Variants in MADCAM1 observed in about 807,000 individuals in gnomAD.
The protein encoded by MADCAM1 is mucosal vascular addressin cell adhesion molecule 1, also known as mucosal addressin cell adhesion molecule 1.
A neutral mutation model predicts 26.1 loss-of-function variants in MADCAM1; 19 were observed. That is an observed-to-expected ratio of 0.73 (90% confidence interval 0.51 to 1.07). The LOEUF (loss-of-function observed/expected upper bound fraction) is 1.07, where lower values mean the gene tolerates loss of function less well. Ranked by LOEUF, MADCAM1 falls within the 50% of genes least tolerant of loss-of-function variation. The pLI, the probability that MADCAM1 is intolerant of heterozygous loss-of-function variation, is 0.00. For missense variants in MADCAM1, 514 were observed against 542.1 expected, an observed-to-expected ratio of 0.95 and a Z score of 0.51; for synonymous variants, 268 against 260.9, an observed-to-expected ratio of 1.03 and a Z score of -0.26.
At position 501,914 on chromosome 19, in the gene MADCAM1, G is replaced by A. The variant is rs765885536; in HGVS notation, c.913G>A (p.Val305Met). 4.6e-6 allele frequency: 7 copies of A among 1,520,238 alleles called. No individual in the cohort carries two copies. Among genetic ancestry groups the A allele is most frequent in the South Asian group, 3.7e-5 (3 of 80,036 alleles). The allele number at this position is 1,520,238 out of a possible 1,614,324, so 94.2% of individuals were successfully genotyped here. A position where few individuals can be genotyped will look rare whatever the true frequency, so the allele number is the denominator to read the frequency against. The change falls in exon 4 of 5, where the codon GTG becomes ATG. Residue 305 changes from valine (V) to methionine (M), a missense_variant. By Grantham distance (21) the Val-to-Met change is conservative. This residue lies in a region of MADCAM1 where 152 missense variants were observed against 136.7 expected (regional missense o/e 1.11). Coordinates refer to ENST00000215637, the MANE Select transcript of MADCAM1 (RefSeq NM_130760.3). Reference protein sequence around the residue: ...ISQAGPTQGEVIPTGSSKPAG... With the variant: ...ISQAGPTQGEMIPTGSSKPAG... Reference sequence around the variant, plus strand: ...CCAGGCTGGGCCCACGCAGGGAGAAGTGATCCCAACAGGCTGTGAGTTCTG... The same window carrying A: ...CCAGGCTGGGCCCACGCAGGGAGAAATGATCCCAACAGGCTGTGAGTTCTG...
intron 4 of MADCAM1, among the ~76,000 whole-genome samples, chr19:502,146 T>A (rs1446473362): frequency 6.6e-6 from 1 of 152,204 alleles, no homozygotes; most frequent in Middle Eastern, 3.2e-3. Flanking sequence ...CCAGCCTCAG[T>A]TTCCTTGTCT....
At chr19:500,667 G>A (rs935436953) in intron 3 of MADCAM1, among the ~76,000 whole-genome samples, 1 of 152,074 alleles carries the variant, frequency 6.6e-6, no homozygotes, top group African/African-American at 2.4e-5. Flanking sequence ...TTAGGAGATC[G>A]AGACTAGCCT....
At chr19:500,109 C>G (rs1489858509) in intron 3 of MADCAM1, 1 of 456,082 alleles carries the variant, frequency 2.2e-6, no homozygotes, top group Non-Finnish European at 4.4e-6. Context: ...AGCAGAAGGC[C>G]AGGGCAGAAA....
chr19:501,541 C>T, intron 3 of MADCAM1, 128 bp from the exon 4 acceptor site: 1 of 523,436 alleles, frequency 1.9e-6, no homozygotes, highest in Non-Finnish European at 3.2e-6. Flanking sequence ...TGTGACTCAC[C>T]AGAGTGGTCC....
At chr19:500,758 T>A (rs1206938778) in intron 3 of MADCAM1, among the ~76,000 whole-genome samples, 2 of 151,934 alleles carry the variant, frequency 1.3e-5, no homozygotes, top group East Asian at 1.9e-4. Context: ...TAATTCCAGC[T>A]ACTCAGGAGG....
In MADCAM1 at chr19:504,790, G is replaced by A. The variant is rs372736157; in HGVS notation, c.974G>A (p.Ser325Asn). Residue 325 changes from serine (S) to asparagine (N), a missense_variant, in exon 5 of 5, where the codon AGC (serine) becomes AAC (asparagine). By Grantham distance (46) the Ser-to-Asn change is conservative (BLOSUM62 1). Transcript: ENST00000215637. ...GDQLPAALWT[S>N]SAVLGLLLLA... ...CAGCTGCCCGCGGCTCTGTGGACCA[G>A]CAGTGCGGTGCTGGGACTGCTGCTC... The A allele has an allele frequency of 5.6e-6, 9 of 1,612,206 alleles. No homozygotes were observed. The highest frequency in any genetic ancestry group is 6.8e-6 in the Non-Finnish European group (8 of 1,179,290).
At chr19:499,516 G>T (rs1406851321) in intron 3 of MADCAM1, among the ~76,000 whole-genome samples, 1 of 151,932 alleles carries the variant, frequency 6.6e-6, no homozygotes, top group Non-Finnish European at 1.5e-5. Flanking sequence ...ACACCCACAC[G>T]CGTGTACAAA....
intron 3 of MADCAM1, among the ~76,000 whole-genome samples, chr19:500,540 G>A (rs959913189): frequency 6.6e-6 from 1 of 151,914 alleles, no homozygotes; most frequent in South Asian, 2.1e-4. Flanking sequence ...GACCAGCCTG[G>A]CCAACATAGT....
At chr19:501,222 ACGCCTGTAAT>A (rs1426948764) in intron 3 of MADCAM1, among the ~76,000 whole-genome samples, 1 of 150,906 alleles carries the variant, frequency 6.6e-6, no homozygotes, top group African/African-American at 2.4e-5. Flanking sequence ...GTGGTGGCTC[ACGCCTGTAAT>A]CCCAGCACTT....
At chr19:499,491 C>A (rs1003017659) in intron 3 of MADCAM1, among the ~76,000 whole-genome samples, 14 of 152,150 alleles carry the variant, frequency 9.2e-5, no homozygotes, top group African/African-American at 3.4e-4. Flanking sequence ...CAAGCACACA[C>A]GGGAACAAAC....
chr19:503,917 A>G (rs2392801), intron 4 of MADCAM1, among the ~76,000 whole-genome samples: 121,421 of 151,850 alleles, frequency 0.8, 48,717 homozygotes, highest in East Asian at 0.99. Context: ...GTGTGGTGGC[A>G]TGTGCCTGTA....
At chr19:501,522 A>T in intron 3 of MADCAM1, 147 bp from the exon 4 acceptor site, 1 of 417,192 alleles carries the variant, frequency 2.4e-6, no homozygotes. Context: ...AAAAAAGAAT[A>T]AATGGAAATG....
At chr19:502,031 T>C (rs1978373068) in intron 4 of MADCAM1, 102 bp downstream of exon 4, 1 of 1,232,408 alleles carries the variant, frequency 8.1e-7, no homozygotes. Flanking sequence ...CCAGCCTTGG[T>C]TTCCCCGTCT....
chr19:501,858 G>T lies in MADCAM1; in HGVS notation c.857G>T (p.Gly286Val). 6.4e-7 allele frequency: 1 copy of T among 1,557,056 alleles called. No individual in the cohort carries two copies. Among genetic ancestry groups the T allele is most frequent in the Non-Finnish European group, 8.7e-7 (1 of 1,151,414 alleles). Reference sequence around the variant, plus strand: ...TCCACACACACCCCCAGGAGCCCAGGCTCCACCAGGACTCGCCGCCCTGAG... The same window carrying T: ...TCCACACACACCCCCAGGAGCCCAGTCTCCACCAGGACTCGCCGCCCTGAG... The part of the protein sequence containing the change: ...QGSTHTPRSP[G>V]STRTRRPEIS... The change falls in exon 4 of 5, where the codon GGC (glycine) becomes GTC (valine). Residue 286 changes from glycine (G) to valine (V), a missense_variant. Around this residue, in one of 3 missense-constraint regions of MADCAM1, gnomAD observed 152 missense variants for 136.7 expected, o/e 1.11. Coordinates refer to ENST00000215637, the MANE Select transcript of MADCAM1 (RefSeq NM_130760.3).
At chr19:503,307 C>T (rs988321723) in intron 4 of MADCAM1, among the ~76,000 whole-genome samples, 24 of 143,562 alleles carry the variant, frequency 1.7e-4, no homozygotes, top group Non-Finnish European at 2.4e-4. Flanking sequence ...ATGGGCCGGG[C>T]ACGGTGGCTT....
In MADCAM1 at chr19:498,837, G is replaced by T; in HGVS notation, c.667+12G>T. The T allele has an allele frequency of 6.8e-7, 1 of 1,466,738 alleles. No homozygotes were observed. Among genetic ancestry groups the T allele is most frequent in the South Asian group, 1.2e-5 (1 of 81,492 alleles). 90.9% of individuals were successfully genotyped at this position (1,466,738 alleles called of 1,614,324 possible). On this transcript the variant is annotated intron_variant, in intron 3 of 4. Coordinates refer to ENST00000215637, the MANE Select transcript of MADCAM1 (RefSeq NM_130760.3). Reference sequence around the variant, plus strand: ...CCAGGCCATCCCCGGTGAGTCCGCTGGGTGCCCTGGAGACCCACCCGCTCG... The same window carrying T: ...CCAGGCCATCCCCGGTGAGTCCGCTTGGTGCCCTGGAGACCCACCCGCTCG...
Position 501,698 on chromosome 19 carries a change from C to G in MADCAM1, c.697C>G (p.Pro233Ala), listed in dbSNP as rs771799498. The change falls in exon 4 of 5, where the codon CCC becomes GCC. Residue 233 changes from proline (P) to alanine (A), a missense_variant. Pro to Ala is a conservative substitution (Grantham distance 27). Around this residue, in one of 3 missense-constraint regions of MADCAM1, gnomAD observed 45 missense variants for 91.8 expected, o/e 0.49. Transcript: ENST00000215637. ...VLHSPTSPEP[P>A]DTTSPESPDT... ...GCACAGCCCGACCTCCCCGGAGCCT[C>G]CCGACACCACCTCCCCGGAGTCTCC... 1 of 1,521,308 alleles carries G rather than the reference C, an allele frequency of 6.6e-7. No individual in the cohort carries two copies. The highest frequency in any genetic ancestry group is 8.8e-7 in the Non-Finnish European group (1 of 1,136,010). 94.2% of individuals were successfully genotyped at this position (1,521,308 alleles called of 1,614,324 possible).
At position 501,605 on chromosome 19, in the gene MADCAM1, T is replaced by C. The variant is rs375737409; in HGVS notation, c.668-64T>C. 1.3e-4 allele frequency: 194 copies of C among 1,520,058 alleles called. 1 individual carries two copies. In the African/African-American group the frequency reaches 1.5e-3, roughly 12 times the overall value. 94.2% of individuals were successfully genotyped at this position (1,520,058 alleles called of 1,614,324 possible). On this transcript the variant is annotated intron_variant, in intron 3 of 4. Coordinates refer to ENST00000215637, the MANE Select transcript of MADCAM1 (RefSeq NM_130760.3). ...CAAGCCCTTCATCCAGATGCGGAGA[T>C]TGAGGCAGGAGAGGCAAGCCTGGGG...
intron 4 of MADCAM1, 85 bp from the exon 5 acceptor site, chr19:504,659 CG>C: frequency 1.1e-6 from 1 of 920,936 alleles, no homozygotes; most frequent in South Asian, 1.6e-5. Flanking sequence ...TTTGGAAGCA[CG>C]TGTAGCCTCT....
Sources: allele counts gnomAD v4.1 joint callset (sites outside exome capture counted in the v4.1 genomes callset), GRCh38; gene constraint gnomAD v4.1.1; regional missense constraint gnomAD v4.1.1; transcripts MANE v1.5; gene names NCBI Gene and HGNC (gene_info 2026-07-23, HGNC 2026-07-21).